Variants in ELAVL4 observed in about 807,000 individuals in gnomAD.
ELAVL4 encodes the protein ELAV-like protein 4.
Under a neutral mutation model 35.6 loss-of-function variants are expected in ELAVL4, and 1 was observed. The ratio of observed to expected loss-of-function variants is 0.03; its 90% CI spans 0.01 to 0.13. The LOEUF is 0.13. ELAVL4 is among the 10% of genes least tolerant of loss of function. The pLI, the probability that ELAVL4 is intolerant of heterozygous loss-of-function variation, is 1.00. For synonymous variants in ELAVL4, 156 were observed against 171.0 expected, an observed-to-expected ratio of 0.91 and a Z score of 0.69; for missense variants, 267 against 464.9, an observed-to-expected ratio of 0.57 and a Z score of 3.91.
intron 2 of ELAVL4, among the ~76,000 whole-genome samples, chr1:50,162,226 T>C (rs1676925180): frequency 1.3e-5 from 2 of 152,168 alleles, no homozygotes; most frequent in Admixed American, 1.3e-4. Context: ...ATGATAACTG[T>C]TTTTGTTACT....
intron 3 of ELAVL4, among the ~76,000 whole-genome samples, chr1:50,183,395 T>G (rs1247259953): frequency 6.6e-6 from 1 of 152,034 alleles, no homozygotes; most frequent in Non-Finnish European, 1.5e-5. Flanking sequence ...AGGCAGCCGG[T>G]GAGAGAATAA....
intron 1 of ELAVL4, among the ~76,000 whole-genome samples, chr1:50,130,950 G>A (rs1054388988): frequency 6.6e-6 from 1 of 152,114 alleles, no homozygotes; most frequent in Non-Finnish European, 1.5e-5. Flanking sequence ...ATTGACAATG[G>A]ATGATTCTGA....
At chr1:50,098,234 T>C (rs977886072) in intron 1 of ELAVL4, among the ~76,000 whole-genome samples, 4 of 152,218 alleles carry the variant, frequency 2.6e-5, no homozygotes, top group Non-Finnish European at 4.4e-5. Flanking sequence ...ATACTCTTTA[T>C]TCACTCTTCT....
intron 3 of ELAVL4, among the ~76,000 whole-genome samples, chr1:50,185,348 C>T (rs1681661445): frequency 6.6e-6 from 1 of 152,252 alleles, no homozygotes; most frequent in South Asian, 2.1e-4. Flanking sequence ...CTGGTTTCCT[C>T]ATCTGCAAAA....
intron 3 of ELAVL4, among the ~76,000 whole-genome samples, chr1:50,193,349 G>A (rs1025755258): frequency 7.0e-6 from 1 of 143,176 alleles, no homozygotes; most frequent in African/African-American, 2.6e-5. Flanking sequence ...GAAATGTGCA[G>A]AGCAGAATTT....
rs557116011 is a variant in ELAVL4, at chr1:50,122,994, G to A, written c.9+13796G>A. Among the ~76,000 whole-genome samples the A allele has an allele frequency of 7.2e-5, 11 of 152,098 alleles. No homozygotes were observed. In the South Asian group the frequency reaches 1.9e-3, roughly 26 times the overall value. On this transcript the variant is annotated intron_variant, in intron 1 of 6. Transcript: ENST00000371824. ...AGTAGTAAAGGAGACATGGCCCCCC[G>A]TCCTCAAAGAGCTGAATATCTGGTG...
upstream of ELAVL4, among the ~76,000 whole-genome samples, chr1:50,106,640 A>G (rs1666337431): frequency 6.6e-6 from 1 of 152,120 alleles, no homozygotes; most frequent in African/African-American, 2.4e-5. Flanking sequence ...GAATTGTACT[A>G]TTGGAAATGC....
chr1:50,195,891 C>T, intron 5 of ELAVL4, 105 bp downstream of exon 5: 1 of 1,311,170 alleles, frequency 7.6e-7, no homozygotes, highest in Non-Finnish European at 1.1e-6. Context: ...TAAAAGCTTC[C>T]ACCCCCAGGA....
chr1:50,120,484 A>G (rs1281716326), intron 1 of ELAVL4, among the ~76,000 whole-genome samples: 2 of 152,102 alleles, frequency 1.3e-5, no homozygotes, highest in Non-Finnish European at 2.9e-5. Context: ...AGGAAGGTTC[A>G]GTTGTTTTGA....
At chr1:50,067,986 G>A (rs556862890) in intron 1 of ELAVL4, among the ~76,000 whole-genome samples, 89 of 152,192 alleles carry the variant, frequency 5.8e-4, no homozygotes, top group Non-Finnish European at 1.1e-3. Flanking sequence ...ACCTCCCACC[G>A]GGTCTCTCCC....
intron 2 of ELAVL4, among the ~76,000 whole-genome samples, chr1:50,159,267 G>A (rs1186865372): frequency 6.6e-6 from 1 of 152,054 alleles, no homozygotes; most frequent in Non-Finnish European, 1.5e-5. Flanking sequence ...TTTAAAAGGG[G>A]TTCTGTGACC....
intron 2 of ELAVL4, among the ~76,000 whole-genome samples, chr1:50,157,096 G>A (rs1480436386): frequency 1.3e-5 from 2 of 152,058 alleles, no homozygotes; most frequent in Admixed American, 6.5e-5. Flanking sequence ...ATTGTAAGTC[G>A]GGGACGGTCT....
At chr1:50,062,336 C>A (rs1414440388) in intron 1 of ELAVL4, among the ~76,000 whole-genome samples, 1 of 152,148 alleles carries the variant, frequency 6.6e-6, no homozygotes, top group Non-Finnish European at 1.5e-5. Context: ...CTCACTTCTT[C>A]TACCTCTGAA....
upstream of ELAVL4, among the ~76,000 whole-genome samples, chr1:50,101,874 T>C (rs2148514248): frequency 6.6e-6 from 1 of 152,376 alleles, no homozygotes; most frequent in East Asian, 1.9e-4. Context: ...GATACTATAA[T>C]TGTCACTACT....
At chr1:50,119,561 T>A (rs1163137786) in intron 1 of ELAVL4, among the ~76,000 whole-genome samples, 1 of 152,066 alleles carries the variant, frequency 6.6e-6, no homozygotes, top group Admixed American at 6.6e-5. Context: ...GCTGAAGTTT[T>A]TCATGAGAAG....
rs970088021 is a variant in ELAVL4 at position 50,140,741 on chromosome 1, T to C, written c.10-4216T>C. On this transcript the variant is annotated intron_variant, in intron 1 of 6. Transcript: ENST00000371824. The stretch of plus-strand genomic sequence containing the variant: ...TTTTATTGAGAAAACTCTCTTTGTA[T>C]GTGTCCATTTGTGTGTTTTCATCAG... Among the ~76,000 whole-genome samples, 4 of 152,216 alleles carry C rather than the reference T, an allele frequency of 2.6e-5. No homozygotes were observed. In the East Asian group the frequency reaches 7.7e-4, roughly 29 times the overall value.
At chr1:50,174,645 A>G (rs1679666690) in intron 2 of ELAVL4, 1 of 152,210 alleles carries the variant, frequency 6.6e-6, no homozygotes, top group African/African-American at 2.4e-5. Context: ...GTGGCTTGAC[A>G]TGATACATCT....
intron 1 of ELAVL4, among the ~76,000 whole-genome samples, chr1:50,132,552 A>G (rs1462433731): frequency 6.6e-6 from 1 of 152,120 alleles, no homozygotes; most frequent in Admixed American, 6.5e-5. Flanking sequence ...GGCAGACTTA[A>G]GATTGTAACC....
intron 1 of ELAVL4, among the ~76,000 whole-genome samples, chr1:50,116,411 T>C (rs746022365): frequency 0.019 from 1,784 of 93,940 alleles, 30 homozygotes; most frequent in African/African-American, 0.066. Flanking sequence ...TGTGTGTGTG[T>C]GCGTGTGTGT....
Sources: allele counts gnomAD v4.1 joint callset (sites outside exome capture counted in the v4.1 genomes callset), GRCh38; gene constraint gnomAD v4.1.1; transcripts MANE v1.5; gene names NCBI Gene and HGNC (gene_info 2026-07-23, HGNC 2026-07-21).